The following NUP188 variants were observed in gnomAD, a reference collection of about 807,000 sequenced individuals.
The protein encoded by NUP188 is nucleoporin NUP188.
In NUP188, 97 loss-of-function variants were observed where a neutral mutation model predicts 223.0. That is an observed-to-expected ratio of 0.43 (90% CI 0.37 to 0.51). NUP188 has a LOEUF of 0.51. Ranked by LOEUF, NUP188 falls within the 20% of genes least tolerant of loss-of-function variation. The probability of loss-of-function intolerance (pLI) is 0.00; values close to 1 mark genes in which losing one functional copy is unlikely to be tolerated. For synonymous variants in NUP188, 869 were observed against 828.0 expected, an observed-to-expected ratio of 1.05 and a Z score of -0.85; for missense variants, 1,947 against 2,175.6, an observed-to-expected ratio of 0.89 and a Z score of 2.09.
At chr9:128,947,893 G>C (rs1439277291) in intron 1 of NUP188, 142 bp downstream of exon 1, 8 of 760,092 alleles carry the variant, frequency 1.1e-5, no homozygotes, top group Non-Finnish European at 1.5e-5. Flanking sequence ...GAGACGGGAG[G>C]CGGTTACGTC....
chr9:128,959,138 T>C lies in NUP188; in HGVS notation c.585+4T>C. On this transcript the variant is annotated splice_donor_region_variant and intron_variant, in intron 8 of 43. Coordinates refer to ENST00000372577, the MANE Select transcript of NUP188 (RefSeq NM_015354.3). ...GGAGACACATGGAAATCTCATGGTA[T>C]GTGGTTACTGTGCTCTCCTGTAACT... 1 of 1,579,510 alleles carries C rather than the reference T, an allele frequency of 6.3e-7. No homozygotes were observed. Among genetic ancestry groups the C allele is most frequent in the Non-Finnish European group, 8.6e-7 (1 of 1,165,306 alleles).
intron 19 of NUP188, among the ~76,000 whole-genome samples, chr9:128,984,123 G>GTTTTTTTTT (rs1564560013): frequency 9.4e-6 from 1 of 106,526 alleles, no homozygotes; most frequent in African/African-American, 5.9e-5. Context: ...CGCCTGGCCT[G>GTTTTTTTTT]ATTTTTTTTT....
chr9:128,981,314 C>A lies in NUP188; in HGVS notation c.1440C>A (p.His480Gln), dbSNP rs1842251045. The change falls in exon 15 of 44, where the codon CAC (histidine) becomes CAA (glutamine). Residue 480 changes from histidine to glutamine, a missense_variant. Physicochemically the swap from His to Gln is conservative, Grantham distance 24. Coordinates refer to ENST00000372577, the MANE Select transcript of NUP188 (RefSeq NM_015354.3). ...CTTTCTACAATGAACTTTATAAACACAAGCCTCATGATGTGATCTCCCATG... is the reference window on the plus strand; with the variant it reads ...CTTTCTACAATGAACTTTATAAACAAAAGCCTCATGATGTGATCTCCCATG... ...KMSFYNELYK[H>Q]KPHDVISHED... 2 of 1,613,962 alleles carry A rather than the reference C, an allele frequency of 1.2e-6. No individual in the cohort carries two copies. Among genetic ancestry groups the A allele is most frequent in the Non-Finnish European group, 1.7e-6 (2 of 1,179,852 alleles).
chr9:128,978,326 G>A (rs1365251150), intron 12 of NUP188, among the ~76,000 whole-genome samples: 5 of 152,058 alleles, frequency 3.3e-5, no homozygotes, highest in African/African-American at 4.8e-5. Context: ...CACTTTGGGA[G>A]GCTGAGGCGG....
intron 2 of NUP188, among the ~76,000 whole-genome samples, chr9:128,951,791 ATT>A (rs781580322): frequency 3.3e-3 from 460 of 138,256 alleles, no homozygotes; most frequent in African/African-American, 0.011. Context: ...CTGGAATCTG[ATT>A]TTTTTTTTTT....
intron 8 of NUP188, among the ~76,000 whole-genome samples, chr9:128,962,708 T>C (rs947117706): frequency 6.6e-6 from 1 of 152,056 alleles, no homozygotes; most frequent in Non-Finnish European, 1.5e-5. Context: ...GCTCAAGCAG[T>C]CCTCCCGCCT....
At chr9:128,966,168 T>TGCGC (rs1554828497) in intron 8 of NUP188, among the ~76,000 whole-genome samples, 38 of 128,740 alleles carry the variant, frequency 3.0e-4, no homozygotes, top group African/African-American at 1.1e-3. Context: ...TGTGTGTGTG[T>TGCGC]GCGTGTGCCC....
At chr9:128,986,260 A>G (rs535730713) in intron 20 of NUP188, among the ~76,000 whole-genome samples, 6 of 152,166 alleles carry the variant, frequency 3.9e-5, no homozygotes, top group East Asian at 3.9e-4. Context: ...ATCATCAGCA[A>G]TCCTCTATCC....
chr9:128,954,075 T>C (rs1841834589), intron 3 of NUP188, among the ~76,000 whole-genome samples: 1 of 152,078 alleles, frequency 6.6e-6, no homozygotes, highest in Non-Finnish European at 1.5e-5. Flanking sequence ...AGTGATCTGC[T>C]CACCTCGGCC....
At chr9:128,959,376 A>G (rs1245591185) in intron 8 of NUP188, among the ~76,000 whole-genome samples, 1 of 151,906 alleles carries the variant, frequency 6.6e-6, no homozygotes, top group Non-Finnish European at 1.5e-5. Flanking sequence ...TCCTGACCTC[A>G]GGTGATCCGC....
At chr9:128,981,495 CT>C in intron 15 of NUP188, 105 bp downstream of exon 15, 1 of 1,192,052 alleles carries the variant, frequency 8.4e-7, no homozygotes, top group Non-Finnish European at 1.2e-6. Context: ...TCACTGCAGC[CT>C]CAAATTCTTG....
intron 8 of NUP188, among the ~76,000 whole-genome samples, chr9:128,961,472 AGTGCACTCTGGCCT>A (rs1841950292): frequency 6.6e-6 from 1 of 151,888 alleles, no homozygotes; most frequent in Non-Finnish European, 1.5e-5. Flanking sequence ...AGATGACGCC[AGTGCACTCTGGCCT>A]GTGCAACAGA....
intron 19 of NUP188, 132 bp downstream of exon 19, chr9:128,983,682 G>C (rs554137279): frequency 7.2e-6 from 5 of 693,740 alleles, no homozygotes. Context: ...GTCTCACTCT[G>C]TTGCCCAGGC....
rs766602989 is a variant in NUP188 at position 128,949,193 on chromosome 9, A to G, written c.37A>G (p.Ser13Gly). 3.7e-6 allele frequency: 6 copies of G among 1,612,422 alleles called. No individual in the cohort carries two copies. Among genetic ancestry groups the G allele is most frequent in the East Asian group, 2.2e-5 (1 of 44,862 alleles). ...AAAGGPCVRSSRELWTILLGR... is the reference protein window; with the variant it reads ...AAAGGPCVRSGRELWTILLGR... The stretch of plus-strand genomic sequence containing the variant: ...CTCTGTTCTCTCATTTTGCAGGAGC[A>G]GTAGAGAACTGTGGACTATTCTGCT... Residue 13 changes from serine to glycine, a missense_variant, in exon 2 of 44, where the codon AGT (serine) becomes GGT (glycine). Transcript: ENST00000372577.
rs1014685696 is a variant in NUP188 at position 128,970,631 on chromosome 9, T to C, written c.913-127T>C. The C allele has an allele frequency of 2.5e-5, 18 of 725,292 alleles. No homozygotes were observed. In the Middle Eastern group the frequency reaches 3.3e-3, roughly 133 times the overall value. The allele number at this position is 725,292 out of a possible 1,614,324, so 44.9% of individuals were successfully genotyped here. On this transcript the variant is annotated intron_variant, in intron 10 of 43. Coordinates refer to ENST00000372577, the MANE Select transcript of NUP188 (RefSeq NM_015354.3). ...GAGGTGACTGGGGGTTTGAGAAGAG[T>C]GAAATATCAGAATGAGAGAGTGAGG... is the stretch of plus-strand genomic sequence containing the variant.
intron 22 of NUP188, among the ~76,000 whole-genome samples, chr9:128,987,178 A>G (rs1428210754): frequency 6.6e-6 from 1 of 151,392 alleles, no homozygotes; most frequent in Non-Finnish European, 1.5e-5. Flanking sequence ...TATGATCGTT[A>G]CAAAAGTTCA....
At chr9:128,969,707 G>A (rs1822047898) in intron 10 of NUP188, among the ~76,000 whole-genome samples, 193 bp downstream of exon 10, 1 of 152,186 alleles carries the variant, frequency 6.6e-6, no homozygotes, top group Non-Finnish European at 1.5e-5. Flanking sequence ...ATGCTGGAAT[G>A]CAGTGGCGTG....
intron 15 of NUP188, 87 bp downstream of exon 15, chr9:128,981,477 A>T: frequency 7.5e-7 from 1 of 1,328,528 alleles, no homozygotes; most frequent in Non-Finnish European, 1.0e-6. Flanking sequence ...CAGTGGCAAG[A>T]TCATAGCTCA....
rs1156974490 is a variant in NUP188, at chr9:129,006,539, G to A, written c.5111G>A (p.Arg1704Gln). 7 of 1,613,698 alleles carry A rather than the reference G, an allele frequency of 4.3e-6. No homozygotes were observed. The highest frequency in any genetic ancestry group is 1.3e-5 in the African/African-American group (1 of 74,894). ...LLSSLSRYFR[R>Q]GAPSSPATGV... ...TCCAGCCTCTCGCGCTACTTCCGCC[G>A]GGGAGCCCCCAGCTCCCCTGCCACT... Residue 1704 changes from arginine (R) to glutamine (Q), a missense_variant, in exon 44 of 44, where the codon CGG becomes CAG. Transcript: ENST00000372577.
Sources: gnomAD v4.1 joint callset for allele counts (sites outside exome capture counted in the v4.1 genomes callset) on GRCh38, gnomAD v4.1.1 for gene constraint, MANE v1.5 for transcripts, NCBI Gene and HGNC (gene_info 2026-07-23, HGNC 2026-07-21) for gene names.